Variants in RAB27B observed in about 807,000 individuals in gnomAD.
RAB27B encodes the protein ras-related protein Rab-27B.
Under a neutral mutation model 24.6 loss-of-function variants are expected in RAB27B, and 15 were observed. The ratio of observed to expected loss-of-function variants is 0.61; its 90% CI spans 0.41 to 0.94. RAB27B has a LOEUF of 0.94. Among genes scored for constraint, RAB27B ranks in the 40% least tolerant of loss-of-function variants. The pLI is 0.00. For synonymous variants in RAB27B, 105 were observed against 92.5 expected, an observed-to-expected ratio of 1.14 and a Z score of -0.78; for missense variants, 261 against 266.8, an observed-to-expected ratio of 0.98 and a Z score of 0.15.
At chr18:54,879,588 A>G (rs2145276121) in intron 3 of RAB27B, 134 bp downstream of exon 3, 1 of 729,112 alleles carries the variant, frequency 1.4e-6, no homozygotes, top group African/African-American at 1.8e-5. Context: ...ATTTGTATCC[A>G]GAAATAAAAA....
intron 2 of RAB27B, among the ~76,000 whole-genome samples, chr18:54,822,506 A>G (rs1427474472): frequency 6.6e-6 from 1 of 152,204 alleles, no homozygotes; most frequent in African/African-American, 2.4e-5. Flanking sequence ...TTTGCACCTC[A>G]CCGTAAAGCT....
chr18:54,834,539 CT>C (rs1408455091), intron 1 of RAB27B, among the ~76,000 whole-genome samples: 1 of 152,126 alleles, frequency 6.6e-6, no homozygotes, highest in Non-Finnish European at 1.5e-5. Context: ...TTCCTTCCTT[CT>C]TTTTTCCTTT....
chr18:54,791,537 C>T (rs1036331799), intron 2 of RAB27B, among the ~76,000 whole-genome samples: 7 of 152,072 alleles, frequency 4.6e-5, no homozygotes, highest in Non-Finnish European at 8.8e-5. Context: ...AGAGTGTGAT[C>T]CCTTTAAATG....
intron 2 of RAB27B, among the ~76,000 whole-genome samples, chr18:54,787,801 A>C (rs1266106820): frequency 6.6e-6 from 1 of 151,910 alleles, no homozygotes; most frequent in African/African-American, 2.4e-5. Flanking sequence ...TGAAGAATTT[A>C]TGGCTTTGGC....
intron 2 of RAB27B, among the ~76,000 whole-genome samples, chr18:54,798,284 G>A (rs1471119477): frequency 6.6e-6 from 1 of 152,228 alleles, no homozygotes; most frequent in Admixed American, 6.5e-5. Context: ...AGGAGACCCT[G>A]AGGAATCCAT....
chr18:54,885,338 G>A (rs1452081586), intron 4 of RAB27B, among the ~76,000 whole-genome samples: 5 of 152,016 alleles, frequency 3.3e-5, no homozygotes, highest in Admixed American at 1.3e-4. Context: ...GAGTCCTTCT[G>A]TAACTTTCCA....
intron 2 of RAB27B, among the ~76,000 whole-genome samples, chr18:54,768,423 A>G (rs1473524427): frequency 7.9e-5 from 12 of 152,162 alleles, no homozygotes; most frequent in Admixed American, 7.2e-4. Context: ...GGTAACTTGC[A>G]ACTTTTTTTC....
chr18:54,721,907 C>T (rs1042516011), intron 2 of RAB27B, among the ~76,000 whole-genome samples: 1 of 152,144 alleles, frequency 6.6e-6, no homozygotes, highest in African/African-American at 2.4e-5. Flanking sequence ...AGGCACGGTG[C>T]TACAACAGCA....
At chr18:54,840,088 T>A (rs1911049006) in intron 1 of RAB27B, among the ~76,000 whole-genome samples, 1 of 152,230 alleles carries the variant, frequency 6.6e-6, no homozygotes, top group Admixed American at 6.5e-5. Context: ...CTCCTAAAAT[T>A]CTGTCTGGGC....
At chr18:54,722,431 G>C (rs1909388520) in intron 2 of RAB27B, among the ~76,000 whole-genome samples, 1 of 152,160 alleles carries the variant, frequency 6.6e-6, no homozygotes, top group Non-Finnish European at 1.5e-5. Flanking sequence ...CAATGCTGTA[G>C]TGAGATGACT....
chr18:54,793,668 G>T (rs992619371), intron 2 of RAB27B, among the ~76,000 whole-genome samples: 1 of 152,156 alleles, frequency 6.6e-6, no homozygotes, highest in Non-Finnish European at 1.5e-5. Context: ...AGTCTTCCTC[G>T]TGTTGCATGT....
chr18:54,868,750 C>A (rs1216507939), intron 1 of RAB27B, among the ~76,000 whole-genome samples: 1 of 152,048 alleles, frequency 6.6e-6, no homozygotes, highest in Non-Finnish European at 1.5e-5. Context: ...CCTCAGCCTC[C>A]CAAGTAGCTG....
At chr18:54,804,805 T>C (rs1909717805) in intron 2 of RAB27B, among the ~76,000 whole-genome samples, 2 of 152,006 alleles carry the variant, frequency 1.3e-5, no homozygotes, top group African/African-American at 4.8e-5. Flanking sequence ...CTTTCTGCTG[T>C]GGTCACTCTT....
chr18:54,845,718 C>T (rs1030823934), intron 1 of RAB27B, among the ~76,000 whole-genome samples: 2 of 152,132 alleles, frequency 1.3e-5, no homozygotes, highest in African/African-American at 4.8e-5. Context: ...TCCCACAGAA[C>T]AGAACCCTCC....
chr18:54,876,439 C>T (rs11877924), intron 1 of RAB27B, among the ~76,000 whole-genome samples: 35,019 of 152,088 alleles, frequency 0.23, 4,100 homozygotes, highest in South Asian at 0.32. Context: ...AGTCTTCCTC[C>T]CTGTCACATA....
chr18:54,856,819 G>C (rs559407182), intron 1 of RAB27B, among the ~76,000 whole-genome samples: 1 of 152,320 alleles, frequency 6.6e-6, no homozygotes, highest in South Asian at 2.1e-4. Context: ...GAGTTAATGA[G>C]TAAATCAGTT....
At chr18:54,794,216 G>GCACCCTGAA (rs2145117387) in intron 2 of RAB27B, among the ~76,000 whole-genome samples, 1 of 152,194 alleles carries the variant, frequency 6.6e-6, no homozygotes, top group Admixed American at 6.5e-5. Flanking sequence ...ATACAAAGTA[G>GCACCCTGAA]CTATTATAGC....
chr18:54,762,427 G>T lies in RAB27B; in HGVS notation c.-20+44286G>T, dbSNP rs553338469. Among the ~76,000 whole-genome samples, 56 of 152,206 alleles carry T rather than the reference G, an allele frequency of 3.7e-4. No homozygotes were observed. The Middle Eastern group carries it at 0.01, about 28-fold the overall frequency. ...AAATTCTGTAGCTTTAAGCCATCCA[G>T]TTGGTTGTAATTTTCTACGGCAGCC... On this transcript the variant is annotated intron_variant, in intron 2 of 4. Transcript: ENST00000586570.
chr18:54,779,380 C>T (rs1032649048), intron 2 of RAB27B, among the ~76,000 whole-genome samples: 2 of 152,166 alleles, frequency 1.3e-5, no homozygotes, highest in East Asian at 3.9e-4. Flanking sequence ...GGAAAAAATA[C>T]GAAGTCACTT....
Sources: allele counts gnomAD v4.1 joint callset (sites outside exome capture counted in the v4.1 genomes callset), GRCh38; gene constraint gnomAD v4.1.1; transcripts MANE v1.5; gene names NCBI Gene and HGNC (gene_info 2026-07-23, HGNC 2026-07-21).